MACROD2: variants seen among roughly 807,000 people sequenced by gnomAD.
MACROD2 encodes the protein ADP-ribose glycohydrolase MACROD2.
MACROD2 carries 36 observed loss-of-function variants against 70.4 expected under a neutral mutation model. The observed-to-expected ratio is 0.51, with a 90% CI of 0.39 to 0.68. The LOEUF (loss-of-function observed/expected upper bound fraction) is 0.68. Ranked by LOEUF, MACROD2 falls within the 30% of genes least tolerant of loss-of-function variation. MACROD2 has a pLI of 0.00. For synonymous variants in MACROD2, 172 were observed against 178.8 expected (o/e 0.96, Z 0.30); for missense variants, 496 against 538.4 (o/e 0.92, Z 0.78).
intron 6 of MACROD2, among the ~76,000 whole-genome samples, chr20:15,262,555 G>GTA (rs1254238494): frequency 2.6e-5 from 4 of 151,900 alleles, no homozygotes; most frequent in Non-Finnish European, 4.4e-5. Context: ...TTCTTTGAAT[G>GTA]TATACCTAGC....
intron 8 of MACROD2, among the ~76,000 whole-genome samples, chr20:15,551,505 G>C (rs1472969589): frequency 6.6e-6 from 1 of 152,026 alleles, no homozygotes; most frequent in African/African-American, 2.4e-5. Context: ...CTCACGTTTT[G>C]TGTATGTTGG....
At chr20:15,096,467 A>T (rs1404913383) in intron 5 of MACROD2, among the ~76,000 whole-genome samples, 1 of 148,004 alleles carries the variant, frequency 6.8e-6, no homozygotes, top group Non-Finnish European at 1.5e-5. Flanking sequence ...AATATATATA[A>T]ATACGTATTT....
chr20:14,627,491 C>T (rs1455702904), intron 4 of MACROD2, among the ~76,000 whole-genome samples: 3 of 152,172 alleles, frequency 2.0e-5, no homozygotes, highest in Non-Finnish European at 4.4e-5. Context: ...CCTTCTCCTT[C>T]AGTTCAATCC....
intron 6 of MACROD2, among the ~76,000 whole-genome samples, chr20:15,357,920 C>T (rs1295864874): frequency 6.6e-6 from 1 of 151,828 alleles, no homozygotes; most frequent in Non-Finnish European, 1.5e-5. Context: ...CATTCTCCTG[C>T]CTCAGCCTCC....
At chr20:14,238,701 C>T (rs2081900438) in intron 3 of MACROD2, among the ~76,000 whole-genome samples, 1 of 152,176 alleles carries the variant, frequency 6.6e-6, no homozygotes, top group Non-Finnish European at 1.5e-5. Flanking sequence ...TAAACGACTT[C>T]AGCAATCAGG....
chr20:15,390,142 T>G (rs1486292955), intron 6 of MACROD2, among the ~76,000 whole-genome samples: 5 of 152,104 alleles, frequency 3.3e-5, no homozygotes, highest in African/African-American at 1.2e-4. Context: ...AAGTCAGATA[T>G]ACAAGTCGTC....
chr20:15,415,415 A>G (rs1275352417), intron 6 of MACROD2, among the ~76,000 whole-genome samples: 4 of 152,210 alleles, frequency 2.6e-5, no homozygotes, highest in Admixed American at 2.6e-4. Flanking sequence ...GTCATTTTCC[A>G]TGTTGAAGGA....
intron 5 of MACROD2, among the ~76,000 whole-genome samples, chr20:15,133,352 C>T (rs905556222): frequency 2.0e-5 from 3 of 151,984 alleles, no homozygotes; most frequent in Non-Finnish European, 2.9e-5. Flanking sequence ...CAACCAACCT[C>T]CTAGAAAAAT....
chr20:15,820,182 T>A (rs915062681), intron 8 of MACROD2, among the ~76,000 whole-genome samples: 4 of 152,068 alleles, frequency 2.6e-5, no homozygotes, highest in Non-Finnish European at 5.9e-5. Context: ...GCCCGTCTTT[T>A]TTCTTTTTGG....
intron 8 of MACROD2, among the ~76,000 whole-genome samples, chr20:15,834,629 G>A (rs1232298918): frequency 1.3e-5 from 2 of 152,066 alleles, no homozygotes; most frequent in South Asian, 4.2e-4. Context: ...TCTACTTAAC[G>A]AGGATTTCTT....
At chr20:14,944,291 C>T (rs1018653658) in intron 5 of MACROD2, among the ~76,000 whole-genome samples, 1 of 152,104 alleles carries the variant, frequency 6.6e-6, no homozygotes, top group African/African-American at 2.4e-5. Context: ...GCGTGCAACC[C>T]AGTGAAATGT....
chr20:14,090,414 A>G (rs2054132126), intron 3 of MACROD2, among the ~76,000 whole-genome samples: 1 of 152,042 alleles, frequency 6.6e-6, no homozygotes, highest in African/African-American at 2.4e-5. Context: ...CTCTACTGAA[A>G]ATACAAAAAT....
intron 6 of MACROD2, among the ~76,000 whole-genome samples, chr20:15,253,611 C>A (rs112003138): frequency 3.9e-4 from 60 of 152,266 alleles, no homozygotes; most frequent in African/African-American, 1.3e-3. Flanking sequence ...ACCATCCATA[C>A]CCCGAGGGCT....
chr20:14,944,575 C>T (rs964480383), intron 5 of MACROD2, among the ~76,000 whole-genome samples: 1 of 152,170 alleles, frequency 6.6e-6, no homozygotes, highest in African/African-American at 2.4e-5. Flanking sequence ...GAAGCACATA[C>T]CCCAGAGTCC....
intron 6 of MACROD2, among the ~76,000 whole-genome samples, chr20:15,356,525 G>A (rs540230614): frequency 7.9e-5 from 12 of 152,230 alleles, no homozygotes; most frequent in African/African-American, 2.4e-4. Context: ...GCTCATGTCC[G>A]TAATCCCAAC....
At chr20:15,219,656 C>T (rs1480174633) in intron 5 of MACROD2, among the ~76,000 whole-genome samples, 2 of 152,092 alleles carry the variant, frequency 1.3e-5, no homozygotes, top group South Asian at 2.1e-4. Flanking sequence ...GGAGTGAAGA[C>T]GTAGAGCCTA....
chr20:15,590,981 AAAG>A (rs1398522976), intron 8 of MACROD2, among the ~76,000 whole-genome samples: 2 of 151,362 alleles, frequency 1.3e-5, no homozygotes, highest in South Asian at 4.2e-4. Context: ...GAAAGAAAGA[AAAG>A]AAGAGAGAGA....
chr20:15,263,348 T>C (rs1285192475), intron 6 of MACROD2, among the ~76,000 whole-genome samples: 1 of 152,006 alleles, frequency 6.6e-6, no homozygotes, highest in African/African-American at 2.4e-5. Flanking sequence ...TATAGATGTA[T>C]AGATTTGTTT....
chr20:15,214,156 G>T (rs1268473358), intron 5 of MACROD2, among the ~76,000 whole-genome samples: 1 of 152,110 alleles, frequency 6.6e-6, no homozygotes, highest in Non-Finnish European at 1.5e-5. Flanking sequence ...ATATCTATGT[G>T]ACAAAGCTCC....
Sources: allele counts gnomAD v4.1 joint callset (sites outside exome capture counted in the v4.1 genomes callset), GRCh38; gene constraint gnomAD v4.1.1; transcripts MANE v1.5; gene names NCBI Gene and HGNC (gene_info 2026-07-23, HGNC 2026-07-21).